Variants in GABRA2 observed in about 807,000 individuals in gnomAD.
GABRA2 encodes gamma-aminobutyric acid type A receptor subunit alpha2.
Under a neutral mutation model 48.7 loss-of-function variants are expected in GABRA2, and 16 were observed. The ratio of observed to expected loss-of-function variants is 0.33; its 90% CI spans 0.22 to 0.50. The LOEUF (loss-of-function observed/expected upper bound fraction) is 0.50, where lower values mean the gene tolerates loss of function less well. Among genes scored for constraint, GABRA2 ranks in the 20% least tolerant of loss-of-function variants. GABRA2 has a pLI of 0.98. For missense variants in GABRA2, 275 were observed against 535.6 expected, an observed-to-expected ratio of 0.51 and a Z score of 4.80; for synonymous variants, 185 against 184.5, an observed-to-expected ratio of 1.00 and a Z score of -0.02.
intron 3 of GABRA2, chr4:46,368,174 C>T (rs1280172326): frequency 3.3e-5 from 5 of 152,022 alleles, no homozygotes; most frequent in African/African-American, 1.2e-4. Flanking sequence ...GATACATGAT[C>T]GAGAGATAAA....
intron 3 of GABRA2, among the ~76,000 whole-genome samples, chr4:46,347,044 G>A (rs2109883493): frequency 6.6e-6 from 1 of 151,866 alleles, no homozygotes; most frequent in East Asian, 1.9e-4. Context: ...TAACCAAGGA[G>A]CTAAAAGATC....
intron 3 of GABRA2, chr4:46,366,560 T>C (rs957347744): frequency 2.0e-5 from 3 of 152,076 alleles, no homozygotes; most frequent in African/African-American, 7.2e-5. Flanking sequence ...CATCACAAAA[T>C]AATTAGGTGA....
intron 4 of GABRA2, among the ~76,000 whole-genome samples, chr4:46,315,942 T>TACAC (rs969052829): frequency 1.1e-4 from 16 of 148,216 alleles, no homozygotes; most frequent in Non-Finnish European, 1.6e-4. Flanking sequence ...AGTACATATA[T>TACAC]ACACACACAC....
chr4:46,386,314 T>C (rs75239795), intron 2 of GABRA2, 125 bp from the exon 3 acceptor site: 1 of 489,550 alleles, frequency 2.0e-6, no homozygotes, highest in Non-Finnish European at 3.5e-6. Flanking sequence ...GTTTTCCTCC[T>C]TTTTTTTTAA....
At chr4:46,304,471 GT>G (rs1043038611) in intron 7 of GABRA2, among the ~76,000 whole-genome samples, 1 of 151,364 alleles carries the variant, frequency 6.6e-6, no homozygotes, top group Non-Finnish European at 1.5e-5. Flanking sequence ...TTTTGTTTTT[GT>G]TTTTTTGTCT....
At chr4:46,292,223 T>C (rs1330982272) in intron 8 of GABRA2, among the ~76,000 whole-genome samples, 1 of 152,184 alleles carries the variant, frequency 6.6e-6, no homozygotes. Flanking sequence ...ACTCAGGGAT[T>C]CTAACTCCAG....
intron 4 of GABRA2, among the ~76,000 whole-genome samples, chr4:46,329,359 G>A (rs1730947085): frequency 6.6e-6 from 1 of 152,070 alleles, no homozygotes; most frequent in South Asian, 2.1e-4. Context: ...TGGTCTCTCT[G>A]GGTCAGCTGC....
At chr4:46,287,914 G>C (rs1722867547) in intron 8 of GABRA2, among the ~76,000 whole-genome samples, 1 of 152,106 alleles carries the variant, frequency 6.6e-6, no homozygotes, top group South Asian at 2.1e-4. Flanking sequence ...GTTCCACTTG[G>C]TTGTAGAGGC....
intron 7 of GABRA2, among the ~76,000 whole-genome samples, chr4:46,304,788 C>A (rs369669765): frequency 6.6e-6 from 1 of 151,436 alleles, no homozygotes; most frequent in Non-Finnish European, 1.5e-5. Context: ...ATTAGCTCAG[C>A]GTGGTGGTGC....
At chr4:46,299,245 T>C (rs1220705270) in intron 8 of GABRA2, among the ~76,000 whole-genome samples, 1 of 151,840 alleles carries the variant, frequency 6.6e-6, no homozygotes, top group Non-Finnish European at 1.5e-5. Flanking sequence ...AAAATTTTTA[T>C]TCCTGAATTT....
chr4:46,360,337 C>A (rs925057385), intron 3 of GABRA2, among the ~76,000 whole-genome samples: 1 of 152,164 alleles, frequency 6.6e-6, no homozygotes, highest in Non-Finnish European at 1.5e-5. Flanking sequence ...GTAATTGAAT[C>A]ATGAGGGTGG....
chr4:46,347,112 G>T (rs1734269002), intron 3 of GABRA2, among the ~76,000 whole-genome samples: 1 of 151,796 alleles, frequency 6.6e-6, no homozygotes, highest in Non-Finnish European at 1.5e-5. Context: ...TAAATGAAAA[G>T]ATACCTTATG....
intron 4 of GABRA2, among the ~76,000 whole-genome samples, chr4:46,329,011 T>C (rs183961): frequency 0.4 from 61,158 of 151,910 alleles, 12,943 homozygotes; most frequent in East Asian, 0.56. Context: ...TTTGTATGTG[T>C]CTGTGTTACT....
intron 4 of GABRA2, among the ~76,000 whole-genome samples, chr4:46,321,093 G>A (rs1468603334): frequency 4.0e-5 from 6 of 151,892 alleles, no homozygotes; most frequent in Non-Finnish European, 5.9e-5. Context: ...TAAACATGGA[G>A]GGCATTATAC....
At chr4:46,364,967 T>C (rs902485169) in intron 3 of GABRA2, 1 of 152,222 alleles carries the variant, frequency 6.6e-6, no homozygotes, top group African/African-American at 2.4e-5. Context: ...TTAAAAATTG[T>C]CTATTGCATA....
intron 4 of GABRA2, among the ~76,000 whole-genome samples, chr4:46,315,027 A>G (rs2109710322): frequency 6.6e-6 from 1 of 152,120 alleles, no homozygotes; most frequent in East Asian, 1.9e-4. Flanking sequence ...GCTGGGTTGC[A>G]TGGTAGGTCT....
chr4:46,253,077 C>T (rs1715120730), intron 9 of GABRA2, among the ~76,000 whole-genome samples: 3 of 151,274 alleles, frequency 2.0e-5, no homozygotes, highest in Admixed American at 6.6e-5. Context: ...TTGAAGAACT[C>T]AAGGAAAGTT....
chr4:46,315,606 T>C (rs1440135195), intron 4 of GABRA2, among the ~76,000 whole-genome samples: 4 of 152,036 alleles, frequency 2.6e-5, no homozygotes, highest in African/African-American at 4.8e-5. Flanking sequence ...TCTCTTTGTA[T>C]TTCTGTAGAG....
chr4:46,382,343 C>G (rs781631700), intron 3 of GABRA2, among the ~76,000 whole-genome samples: 1 of 151,552 alleles, frequency 6.6e-6, no homozygotes, highest in Non-Finnish European at 1.5e-5. Context: ...AGTGGATACA[C>G]CAGGGAAGAG....
Sources: gnomAD v4.1 joint callset for allele counts (sites outside exome capture counted in the v4.1 genomes callset) on GRCh38, gnomAD v4.1.1 for gene constraint, MANE v1.5 for transcripts, NCBI Gene and HGNC (gene_info 2026-07-23, HGNC 2026-07-21) for gene names.